The following HCN1 variants were observed in gnomAD, a reference collection of about 807,000 sequenced individuals.
HCN1 encodes the protein potassium/sodium hyperpolarization-activated cyclic nucleotide-gated channel 1.
In HCN1, 13 loss-of-function variants were observed where a neutral mutation model predicts 78.9. The ratio of observed to expected loss-of-function variants is 0.16; its 90% CI spans 0.11 to 0.26. The LOEUF (loss-of-function observed/expected upper bound fraction) is 0.26, where lower values mean the gene tolerates loss of function less well. Ranked by LOEUF, HCN1 falls within the 10% of genes least tolerant of loss-of-function variation. The probability of loss-of-function intolerance (pLI) is 1.00; values close to 1 mark genes in which losing one functional copy is unlikely to be tolerated. For missense variants in HCN1, 810 were observed against 1,154.3 expected, an observed-to-expected ratio of 0.70 and a Z score of 4.32; for synonymous variants, 552 against 455.5, an observed-to-expected ratio of 1.21 and a Z score of -2.70.
At chr5:45,509,351 C>T (rs1337420664) in intron 2 of HCN1, among the ~76,000 whole-genome samples, 1 of 152,002 alleles carries the variant, frequency 6.6e-6, no homozygotes, top group Non-Finnish European at 1.5e-5. Context: ...TCTTTATAAA[C>T]TTACACATTT....
chr5:45,644,785 A>G lies in HCN1; in HGVS notation c.849+400T>C, dbSNP rs1745512905. Reference sequence around the variant, plus strand: ...TATTAGAGGATACAAAAACCACACTATCTCACAGAGCTAATGATGTGCCAG... The same window carrying G: ...TATTAGAGGATACAAAAACCACACTGTCTCACAGAGCTAATGATGTGCCAG... On this transcript the variant is annotated intron_variant, in intron 2 of 7. Coordinates refer to ENST00000303230, the MANE Select transcript of HCN1 (RefSeq NM_021072.4). 3 of 195,374 alleles carry G rather than the reference A, an allele frequency of 1.5e-5. No individual in the cohort carries two copies. In the South Asian group the frequency reaches 4.7e-4, roughly 31 times the overall value. 12.1% of individuals were successfully genotyped at this position (195,374 alleles called of 1,614,324 possible). A position where few individuals can be genotyped will look rare whatever the true frequency, so the allele number is the denominator to read the frequency against.
At chr5:45,515,827 C>T (rs1266250561) in intron 2 of HCN1, among the ~76,000 whole-genome samples, 1 of 151,710 alleles carries the variant, frequency 6.6e-6, no homozygotes, top group Non-Finnish European at 1.5e-5. Context: ...CTTTGAATTG[C>T]AACTTAAAAA....
At chr5:45,378,986 G>A (rs900670973) in intron 4 of HCN1, among the ~76,000 whole-genome samples, 1 of 152,058 alleles carries the variant, frequency 6.6e-6, no homozygotes, top group African/African-American at 2.4e-5. Context: ...ATTCCATGGT[G>A]TATATGTGCC....
At chr5:45,417,972 G>A (rs924591931) in intron 3 of HCN1, among the ~76,000 whole-genome samples, 1 of 151,900 alleles carries the variant, frequency 6.6e-6, no homozygotes, top group Middle Eastern at 3.4e-3. Context: ...ACAAAGTAAG[G>A]TTGACAAAGT....
chr5:45,274,973 A>T (rs1332388504), intron 6 of HCN1, among the ~76,000 whole-genome samples: 4 of 152,198 alleles, frequency 2.6e-5, no homozygotes, highest in Non-Finnish European at 5.9e-5. Context: ...ACATTGTCAT[A>T]TATTATTTGT....
chr5:45,648,903 C>G (rs1196649173), intron 1 of HCN1, among the ~76,000 whole-genome samples: 1 of 151,820 alleles, frequency 6.6e-6, no homozygotes, highest in East Asian at 1.9e-4. Context: ...ACCTAACAAT[C>G]AATTTGCTAG....
At chr5:45,657,215 A>C (rs1408169425) in intron 1 of HCN1, among the ~76,000 whole-genome samples, 2 of 152,206 alleles carry the variant, frequency 1.3e-5, no homozygotes, top group Non-Finnish European at 2.9e-5. Flanking sequence ...CAGAACTGCC[A>C]GTATAGTGAG....
intron 4 of HCN1, among the ~76,000 whole-genome samples, chr5:45,355,369 T>C (rs903832407): frequency 3.9e-5 from 6 of 151,978 alleles, no homozygotes; most frequent in Admixed American, 6.6e-5. Flanking sequence ...GGGAATTCTT[T>C]ATAAATACAC....
intron 2 of HCN1, among the ~76,000 whole-genome samples, chr5:45,524,738 C>G (rs1490803523): frequency 7.2e-5 from 11 of 152,054 alleles, no homozygotes; most frequent in Admixed American, 2.6e-4. Context: ...AGTTGCTTAT[C>G]AGCTTAAGGA....
At chr5:45,694,475 T>G (rs977397475) in intron 1 of HCN1, among the ~76,000 whole-genome samples, 1 of 152,176 alleles carries the variant, frequency 6.6e-6, no homozygotes, top group African/African-American at 2.4e-5. Context: ...ACAGCTCCCG[T>G]TAAGGCATGT....
intron 2 of HCN1, among the ~76,000 whole-genome samples, chr5:45,481,714 C>T (rs1018947014): frequency 6.6e-6 from 1 of 152,108 alleles, no homozygotes; most frequent in African/African-American, 2.4e-5. Context: ...TTTCCTCTCT[C>T]GCTCCATACC....
At chr5:45,461,540 G>C (rs1284410169) in intron 3 of HCN1, among the ~76,000 whole-genome samples, 1 of 152,088 alleles carries the variant, frequency 6.6e-6, no homozygotes, top group Admixed American at 6.6e-5. Context: ...ATTTTTGAAA[G>C]AATGCTGTAC....
At chr5:45,664,654 T>C (rs1302697335) in intron 1 of HCN1, among the ~76,000 whole-genome samples, 3 of 151,768 alleles carry the variant, frequency 2.0e-5, no homozygotes, top group Non-Finnish European at 4.4e-5. Flanking sequence ...GAACAGACAC[T>C]TCTCAAAAGA....
intron 1 of HCN1, among the ~76,000 whole-genome samples, chr5:45,677,977 TAC>T (rs1023550074): frequency 6.9e-6 from 1 of 145,146 alleles, no homozygotes; most frequent in East Asian, 2.0e-4. Flanking sequence ...ATTAAACACA[TAC>T]ACACACACAT....
intron 2 of HCN1, among the ~76,000 whole-genome samples, chr5:45,585,563 G>C (rs1156404531): frequency 2.6e-5 from 4 of 152,106 alleles, no homozygotes; most frequent in African/African-American, 9.7e-5. Flanking sequence ...TTCTGTTGCT[G>C]GTGAGGAGCT....
intron 2 of HCN1, among the ~76,000 whole-genome samples, chr5:45,635,073 G>A (rs962178189): frequency 6.6e-6 from 1 of 151,958 alleles, no homozygotes; most frequent in Admixed American, 6.6e-5. Flanking sequence ...TCTCAGCTAC[G>A]ATCCAGAATA....
chr5:45,353,051 A>C, intron 5 of HCN1, 49 bp downstream of exon 5: 1 of 1,487,142 alleles, frequency 6.7e-7, no homozygotes, highest in South Asian at 1.1e-5. Flanking sequence ...TGAAGAGAGA[A>C]AATAAACAAT....
At chr5:45,570,922 C>A (rs1362607075) in intron 2 of HCN1, among the ~76,000 whole-genome samples, 2 of 152,038 alleles carry the variant, frequency 1.3e-5, no homozygotes, top group Non-Finnish European at 2.9e-5. Context: ...TCTATTCTAT[C>A]ATGCTCATAT....
Position 45,515,007 on chromosome 5 carries a change from CTTA to C in HCN1, c.850-53003_850-53001del, listed in dbSNP as rs199717709. Among the ~76,000 whole-genome samples the C allele has an allele frequency of 5.2e-3, 784 of 151,926 alleles. 9 individuals carry two copies. Among genetic ancestry groups the C allele is most frequent in the African/African-American group, 0.017 (698 of 41,482 alleles). ...TTAATTTTTATTGGTAATATGCTTT[CTTA>C]TTTATTTCTTAATTATTATGATAAT... On this transcript the variant is annotated intron_variant, in intron 2 of 7. Coordinates refer to ENST00000303230, the MANE Select transcript of HCN1 (RefSeq NM_021072.4).
Sources: gnomAD v4.1 joint callset for allele counts (sites outside exome capture counted in the v4.1 genomes callset) on GRCh38, gnomAD v4.1.1 for gene constraint, MANE v1.5 for transcripts, NCBI Gene and HGNC (gene_info 2026-07-23, HGNC 2026-07-21) for gene names.